The following FER variants were observed in gnomAD, a reference collection of about 807,000 sequenced individuals.
The protein encoded by FER is tyrosine-protein kinase Fer.
Under a neutral mutation model 111.0 loss-of-function variants are expected in FER, and 63 were observed. The observed-to-expected ratio is 0.57, with a 90% CI of 0.46 to 0.70. The LOEUF is 0.70. Among genes scored for constraint, FER ranks in the 30% least tolerant of loss-of-function variants. FER has a pLI of 0.00. For synonymous variants in FER, 327 were observed against 313.9 expected (o/e 1.04, Z -0.44); for missense variants, 914 against 954.0 (o/e 0.96, Z 0.55).
intron 2 of FER, among the ~76,000 whole-genome samples, chr5:108,789,220 T>C (rs796201382): frequency 2.6e-5 from 4 of 152,378 alleles, no homozygotes; most frequent in African/African-American, 7.2e-5. Context: ...TCAAAAATTG[T>C]AACCTTGTGT....
intron 13 of FER, among the ~76,000 whole-genome samples, chr5:109,019,733 T>C (rs769435175): frequency 1.3e-5 from 2 of 151,834 alleles, no homozygotes; most frequent in African/African-American, 2.4e-5. Context: ...TCATTTCTTC[T>C]AGCATTCTTC....
At position 108,867,965 on chromosome 5, in the gene FER, C is replaced by CT. The variant is rs780924993; in HGVS notation, c.665+20dup. ...ATAAAAGCACTGTAAGATACATTTTCTTTTTATCATAAAATCCCTTCACAA... is the reference window on the plus strand; with the variant it reads ...ATAAAAGCACTGTAAGATACATTTTCTTTTTTATCATAAAATCCCTTCACAA... On this transcript the variant is annotated intron_variant, in intron 6 of 19. Transcript: ENST00000281092. 2 of 1,587,846 alleles carry CT rather than the reference C, an allele frequency of 1.3e-6. No homozygotes were observed. The highest frequency in any genetic ancestry group is 1.7e-6 in the Non-Finnish European group (2 of 1,168,472).
chr5:109,107,656 G>C (rs958409593), intron 17 of FER, among the ~76,000 whole-genome samples: 4 of 152,162 alleles, frequency 2.6e-5, no homozygotes, highest in African/African-American at 9.7e-5. Context: ...CTCAAGGACT[G>C]AAAGTTCAGC....
intron 2 of FER, among the ~76,000 whole-genome samples, chr5:108,771,365 G>T (rs1752882031): frequency 6.6e-6 from 1 of 152,098 alleles, no homozygotes; most frequent in African/African-American, 2.4e-5. Context: ...CTTTGCATAT[G>T]GTTATCTTTT....
chr5:109,046,668 G>A (rs999666637), intron 15 of FER, among the ~76,000 whole-genome samples: 4 of 151,908 alleles, frequency 2.6e-5, no homozygotes, highest in African/African-American at 9.7e-5. Flanking sequence ...TATTAGTGGG[G>A]GAAAATGTTG....
At position 108,916,304 on chromosome 5, in the gene FER, A is replaced by G. The variant is rs535269248; in HGVS notation, c.1236+18456A>G. On this transcript the variant is annotated intron_variant, in intron 10 of 19. Transcript: ENST00000281092. Reference sequence around the variant, plus strand: ...TCAAGTTTTACATCAACAGCCTAGTATAAAATTTTTAGAAAATTTGTTTAT... The same window carrying G: ...TCAAGTTTTACATCAACAGCCTAGTGTAAAATTTTTAGAAAATTTGTTTAT... Among the ~76,000 whole-genome samples the G allele has an allele frequency of 3.9e-4, 59 of 152,312 alleles. 1 individual carries two copies. In the Middle Eastern group the frequency reaches 0.017, roughly 44 times the overall value.
intron 17 of FER, among the ~76,000 whole-genome samples, chr5:109,116,671 A>G (rs532565248): frequency 3.9e-4 from 59 of 152,240 alleles, no homozygotes; most frequent in Non-Finnish European, 7.2e-4. Flanking sequence ...GGCTGCCACC[A>G]TATTTCGAGA....
At chr5:109,082,838 A>G (rs1777148032) in intron 16 of FER, among the ~76,000 whole-genome samples, 1 of 151,994 alleles carries the variant, frequency 6.6e-6, no homozygotes, top group Non-Finnish European at 1.5e-5. Flanking sequence ...TAAATTCTTT[A>G]TCCAAGATGA....
chr5:108,756,745 C>A (rs561599211), intron 1 of FER, among the ~76,000 whole-genome samples: 24 of 152,148 alleles, frequency 1.6e-4, no homozygotes, highest in African/African-American at 4.8e-4. Flanking sequence ...GAAAATTTTA[C>A]AAAGGAAGAA....
At chr5:108,848,847 T>C (rs547906773) in intron 5 of FER, among the ~76,000 whole-genome samples, 35 of 152,136 alleles carry the variant, frequency 2.3e-4, no homozygotes, top group Non-Finnish European at 4.4e-4. Context: ...ACATTTCTTG[T>C]AATGTAGGTC....
chr5:108,843,719 G>T (rs1343950889), intron 5 of FER, among the ~76,000 whole-genome samples: 1 of 151,744 alleles, frequency 6.6e-6, no homozygotes, highest in African/African-American at 2.4e-5. Context: ...AGTAGAGATG[G>T]GGTTTCACCA....
chr5:108,776,688 A>T (rs558650098), intron 2 of FER, among the ~76,000 whole-genome samples: 103 of 152,324 alleles, frequency 6.8e-4, no homozygotes, highest in Non-Finnish European at 1.3e-3. Flanking sequence ...TATGTAAATT[A>T]AACTTCTGAT....
intron 10 of FER, among the ~76,000 whole-genome samples, chr5:108,907,638 A>C (rs979643951): frequency 2.0e-5 from 3 of 152,110 alleles, no homozygotes; most frequent in African/African-American, 7.2e-5. Flanking sequence ...GGATGTAGAT[A>C]ACCTGGAATA....
chr5:108,944,546 A>G (rs916798057), intron 10 of FER, among the ~76,000 whole-genome samples: 16 of 152,266 alleles, frequency 1.1e-4, no homozygotes, highest in African/African-American at 3.1e-4. Context: ...TTTAATTTTT[A>G]AAAGTAGCCA....
rs1561809145 is a variant in FER at position 109,037,450 on chromosome 5, A to G, written c.1685A>G (p.Asp562Gly). 1 of 1,612,184 alleles carries G rather than the reference A, an allele frequency of 6.2e-7. No individual in the cohort carries two copies. Among genetic ancestry groups the G allele is most frequent in the Non-Finnish European group, 8.5e-7 (1 of 1,178,630 alleles). The change falls in exon 14 of 20, where the codon GAT becomes GGT. Residue 562 changes from aspartate (D) to glycine (G), a missense_variant. Asp to Gly is a moderately conservative substitution (Grantham distance 94, BLOSUM62 -1). This residue lies in a region of FER where 774 missense variants were observed against 782.6 expected (regional missense o/e 0.99). Coordinates refer to ENST00000281092, the MANE Select transcript of FER (RefSeq NM_005246.4). The stretch of plus-strand genomic sequence containing the variant: ...AAGAAATGGATTCTCAGTCATGAAG[A>G]TGTCATATTGGGAGAATTACTGGGC... ...KDKKWILSHE[D>G]VILGELLGKG...
chr5:109,134,863 A>G (rs1752725000), intron 17 of FER, among the ~76,000 whole-genome samples: 2 of 152,342 alleles, frequency 1.3e-5, no homozygotes, highest in Middle Eastern at 3.4e-3. Flanking sequence ...TGTAGGGGAC[A>G]TGGCTAAGGC....
intron 2 of FER, 82 bp from the exon 3 acceptor site, chr5:108,798,042 A>C (rs1243069212): frequency 2.7e-5 from 15 of 548,980 alleles, no homozygotes; most frequent in Non-Finnish European, 4.8e-5. Context: ...AACCCCAAAG[A>C]AGAATCTATC....
At chr5:109,019,072 A>AT (rs1430602996) in intron 13 of FER, among the ~76,000 whole-genome samples, 1 of 151,316 alleles carries the variant, frequency 6.6e-6, no homozygotes, top group Non-Finnish European at 1.5e-5. Flanking sequence ...CAAGTGTAAT[A>AT]TTTTTTTCCA....
intron 16 of FER, among the ~76,000 whole-genome samples, chr5:109,090,025 G>C (rs1777988124): frequency 6.6e-6 from 1 of 152,202 alleles, no homozygotes; most frequent in South Asian, 2.1e-4. Flanking sequence ...AAGAAGATGA[G>C]TGGAGTGTGC....
Sources: allele counts gnomAD v4.1 joint callset (sites outside exome capture counted in the v4.1 genomes callset), GRCh38; gene constraint gnomAD v4.1.1; regional missense constraint gnomAD v4.1.1; transcripts MANE v1.5; gene names NCBI Gene and HGNC (gene_info 2026-07-23, HGNC 2026-07-21).